Variants in ASXL3 observed in about 807,000 individuals in gnomAD.
ASXL3 encodes putative Polycomb group protein ASXL3.
In ASXL3, 34 loss-of-function variants were observed where a neutral mutation model predicts 170.6. The observed-to-expected ratio is 0.20, with a 90% CI of 0.15 to 0.27. The LOEUF (loss-of-function observed/expected upper bound fraction) is 0.27. Ranked by LOEUF, ASXL3 falls within the 10% of genes least tolerant of loss-of-function variation. The pLI is 1.00. For synonymous variants in ASXL3, 1,002 were observed against 989.1 expected, an observed-to-expected ratio of 1.01 and a Z score of -0.24; for missense variants, 2,592 against 2,695.3, an observed-to-expected ratio of 0.96 and a Z score of 0.85.
intron 1 of ASXL3, among the ~76,000 whole-genome samples, chr18:33,596,083 A>G (rs573066218): frequency 2.7e-4 from 41 of 152,254 alleles, no homozygotes; most frequent in African/African-American, 9.6e-4. Context: ...TACTGGAAAT[A>G]TAGCAGCAAA....
chr18:33,731,562 T>G (rs2067445408), intron 8 of ASXL3, among the ~76,000 whole-genome samples: 2 of 152,168 alleles, frequency 1.3e-5, no homozygotes, highest in South Asian at 4.1e-4. Flanking sequence ...CTCCGAGCTT[T>G]TACATTTTGA....
chr18:33,676,068 C>CA (rs2066422942), intron 7 of ASXL3, among the ~76,000 whole-genome samples: 1 of 151,062 alleles, frequency 6.6e-6, no homozygotes, highest in Admixed American at 6.6e-5. Flanking sequence ...ACTAAAACTA[C>CA]AAAAAATTAG....
At chr18:33,667,428 A>C (rs1371906117) in intron 5 of ASXL3, among the ~76,000 whole-genome samples, 1 of 152,184 alleles carries the variant, frequency 6.6e-6, no homozygotes, top group African/African-American at 2.4e-5. Flanking sequence ...CCTCGAATCT[A>C]ATTTATAAAG....
At chr18:33,715,778 A>G (rs1432886738) in intron 8 of ASXL3, among the ~76,000 whole-genome samples, 1 of 152,212 alleles carries the variant, frequency 6.6e-6, no homozygotes, top group Non-Finnish European at 1.5e-5. Context: ...GTACATATCA[A>G]AAAATAAAAT....
chr18:33,663,934 C>CAT (rs78031625), intron 5 of ASXL3, among the ~76,000 whole-genome samples: 15,806 of 151,568 alleles, frequency 0.1, 1,077 homozygotes, highest in African/African-American at 0.18. Flanking sequence ...GTATTAAATA[C>CAT]ATATATATAT....
At chr18:33,636,305 TCAACAACAACAACAACAACAA>T (rs367963281) in intron 2 of ASXL3, among the ~76,000 whole-genome samples, 1 of 110,676 alleles carries the variant, frequency 9.0e-6, no homozygotes, top group African/African-American at 3.6e-5. Context: ...AACCACTGAT[TCAACAACAACAACAACAACAA>T]CAACAACAGC....
chr18:33,679,758 A>G (rs111996120), intron 7 of ASXL3, among the ~76,000 whole-genome samples: 80 of 152,162 alleles, frequency 5.3e-4, no homozygotes, highest in African/African-American at 1.9e-3. Context: ...ATAAAGCTTA[A>G]AATATTTGTA....
chr18:33,609,460 G>A (rs894907602), intron 2 of ASXL3, among the ~76,000 whole-genome samples: 1 of 151,930 alleles, frequency 6.6e-6, no homozygotes, highest in Non-Finnish European at 1.5e-5. Context: ...TCCCTGTACC[G>A]TGGCTCACAA....
intron 5 of ASXL3, among the ~76,000 whole-genome samples, chr18:33,666,438 A>T (rs2044847302): frequency 6.6e-6 from 1 of 152,200 alleles, no homozygotes; most frequent in African/African-American, 2.4e-5. Flanking sequence ...TCACAACAAA[A>T]TATAACATCC....
chr18:33,746,648 A>G lies in ASXL3; in HGVS notation c.*53A>G. On this transcript the variant is annotated 3_prime_UTR_variant, in exon 12 of 12. Transcript: ENST00000269197. ...TTTCCACACGGAAAAGCCAAATAGCATCAGCAACAACAAATAGAATAATGC... is the reference window on the plus strand; with the variant it reads ...TTTCCACACGGAAAAGCCAAATAGCGTCAGCAACAACAAATAGAATAATGC... 6.6e-7 allele frequency: 1 copy of G among 1,507,066 alleles called. No homozygotes were observed. The highest frequency in any genetic ancestry group is 2.3e-5 in the East Asian group (1 of 43,844). 93.4% of individuals were successfully genotyped at this position (1,507,066 alleles called of 1,614,324 possible).
chr18:33,727,795 A>G (rs1428407248), intron 8 of ASXL3, among the ~76,000 whole-genome samples: 2 of 152,142 alleles, frequency 1.3e-5, no homozygotes, highest in Non-Finnish European at 2.9e-5. Context: ...AACCCATAAA[A>G]TTAATCGTGT....
chr18:33,658,890 T>G (rs1183052651), intron 4 of ASXL3, among the ~76,000 whole-genome samples: 1 of 152,118 alleles, frequency 6.6e-6, no homozygotes, highest in Non-Finnish European at 1.5e-5. Flanking sequence ...TAGTGCAGTT[T>G]CAACTGTTGT....
intron 8 of ASXL3, among the ~76,000 whole-genome samples, chr18:33,695,664 C>G (rs575929234): frequency 2.3e-4 from 35 of 152,216 alleles, no homozygotes; most frequent in South Asian, 6.2e-4. Context: ...AGAGCTGATT[C>G]TAGTCTATGC....
chr18:33,702,149 T>G (rs1474979310), intron 8 of ASXL3, among the ~76,000 whole-genome samples: 1 of 152,180 alleles, frequency 6.6e-6, no homozygotes, highest in African/African-American at 2.4e-5. Flanking sequence ...CTTTAGATAT[T>G]TAAAGATATT....
At chr18:33,580,923 T>G (rs1382982403) in intron 1 of ASXL3, among the ~76,000 whole-genome samples, 1 of 152,170 alleles carries the variant, frequency 6.6e-6, no homozygotes, top group Non-Finnish European at 1.5e-5. Context: ...TGAATAAAAT[T>G]GCAAGGAATC....
At chr18:33,702,100 T>C (rs1447554634) in intron 8 of ASXL3, among the ~76,000 whole-genome samples, 2 of 152,186 alleles carry the variant, frequency 1.3e-5, no homozygotes, top group South Asian at 2.1e-4. Context: ...GGTGAGACAC[T>C]GTCATTATAC....
chr18:33,745,009 T>G lies in ASXL3; in HGVS notation c.5161T>G (p.Ser1721Ala). 1 of 1,614,008 alleles carries G rather than the reference T, an allele frequency of 6.2e-7. No homozygotes were observed. Among genetic ancestry groups the G allele is most frequent in the South Asian group, 1.1e-5 (1 of 91,080 alleles). Residue 1721 changes from serine (S) to alanine (A), a missense_variant, in exon 12 of 12, where the codon TCC becomes GCC. This residue lies in a region of ASXL3 where 2,246 missense variants were observed against 2,219.6 expected (regional missense o/e 1.01). Coordinates refer to ENST00000269197, the MANE Select transcript of ASXL3 (RefSeq NM_030632.3). ...CTCAAGTCCCATGGAAGAGGCTATT[T>G]CCTTGGCTACCGATGCCCTGAAGAG... is the stretch of plus-strand genomic sequence containing the variant. ...STSSPMEEAISLATDALKRVP... is the reference protein window; with the variant it reads ...STSSPMEEAIALATDALKRVP...
intron 2 of ASXL3, chr18:33,614,543 T>A (rs1051425760): frequency 6.6e-6 from 1 of 152,196 alleles, no homozygotes; most frequent in Non-Finnish European, 1.5e-5. Flanking sequence ...TCATGAATGT[T>A]CTCAACGGCA....
Position 33,683,595 on chromosome 18 carries a change from A to C in ASXL3, c.879+27A>C, listed in dbSNP as rs372095761. On this transcript the variant is annotated intron_variant, in intron 8 of 11. Transcript: ENST00000269197. ...TAAGTAGAAGTTTTAGACATTTGAT[A>C]CCAGCCACTAGTTATATTATGATGA... is the stretch of plus-strand genomic sequence containing the variant. 612 of 1,580,936 alleles carry C rather than the reference A, an allele frequency of 3.9e-4. 6 individuals are homozygous for C. Among genetic ancestry groups the C allele is most frequent in the East Asian group, 2.7e-4 (12 of 44,390 alleles).
Sources: allele counts gnomAD v4.1 joint callset (sites outside exome capture counted in the v4.1 genomes callset), GRCh38; gene constraint gnomAD v4.1.1; regional missense constraint gnomAD v4.1.1; transcripts MANE v1.5; gene names NCBI Gene and HGNC (gene_info 2026-07-23, HGNC 2026-07-21).